The following DAB1 variants were observed in gnomAD, a reference collection of about 807,000 sequenced individuals.
The protein encoded by DAB1 is DAB adaptor protein 1, also known as disabled homolog 1.
DAB1 carries 15 observed loss-of-function variants against 64.6 expected under a neutral mutation model. The ratio of observed to expected loss-of-function variants is 0.23; its 90% CI spans 0.16 to 0.36. The LOEUF is 0.36. Among genes scored for constraint, DAB1 ranks in the 10% least tolerant of loss-of-function variants. The pLI is 1.00. For synonymous variants in DAB1, 235 were observed against 251.9 expected (o/e 0.93, Z 0.64); for missense variants, 596 against 706.7 (o/e 0.84, Z 1.78).
At chr1:58,052,861 A>G (rs1647775928) in intron 5 of DAB1, among the ~76,000 whole-genome samples, 1 of 152,134 alleles carries the variant, frequency 6.6e-6, no homozygotes, top group Non-Finnish European at 1.5e-5. Context: ...AATAGAAGCG[A>G]TTTACTAGGC....
intron 6 of DAB1, among the ~76,000 whole-genome samples, chr1:57,712,903 C>A (rs1316227136): frequency 6.6e-6 from 1 of 152,152 alleles, no homozygotes; most frequent in Middle Eastern, 3.2e-3. Context: ...CATAACATCT[C>A]AATGGAAGAT....
rs377593099 is a variant in DAB1, at chr1:58,502,178, T to C, written n.257+3882A>G. On this transcript the variant is annotated intron_variant and non_coding_transcript_variant, in intron 3 of 20. Transcript: ENST00000485760. ...AGGGATCCAATAAGAAATAAAAATA[T>C]ACAATCTTCAATAAGCTAAAGTTTA... 2.0e-4 allele frequency among the ~76,000 whole-genome samples: 30 copies of C among 152,320 alleles called. No homozygotes were observed. The South Asian group carries it at 6.0e-3, about 30-fold the overall frequency.
intron 5 of DAB1, among the ~76,000 whole-genome samples, chr1:57,962,725 A>C (rs981485974): frequency 6.6e-6 from 1 of 151,674 alleles, no homozygotes; most frequent in Non-Finnish European, 1.5e-5. Flanking sequence ...TTAGCCACAC[A>C]TGGTGGCATG....
intron 2 of DAB1, among the ~76,000 whole-genome samples, chr1:58,511,465 T>C (rs918127789): frequency 6.6e-6 from 1 of 152,160 alleles, no homozygotes; most frequent in South Asian, 2.1e-4. Context: ...CTGGGCAACA[T>C]GGTGAAACCA....
At chr1:57,703,728 A>T (rs549197137) in intron 6 of DAB1, among the ~76,000 whole-genome samples, 2 of 152,294 alleles carry the variant, frequency 1.3e-5, no homozygotes, top group Non-Finnish European at 2.9e-5. Flanking sequence ...ATAAAGACAC[A>T]TGCACATGTA....
At chr1:57,429,512 C>G (rs531705154) in intron 7 of DAB1, among the ~76,000 whole-genome samples, 1 of 152,182 alleles carries the variant, frequency 6.6e-6, no homozygotes, top group Non-Finnish European at 1.5e-5. Flanking sequence ...CACCTGTCTA[C>G]TTTCACTTTT....
At chr1:58,204,132 C>T (rs1658136778) in intron 4 of DAB1, among the ~76,000 whole-genome samples, 1 of 152,130 alleles carries the variant, frequency 6.6e-6, no homozygotes, top group South Asian at 2.1e-4. Context: ...TTTGATCACA[C>T]CTATATGAAC....
intron 1 of DAB1, among the ~76,000 whole-genome samples, chr1:57,861,963 T>A (rs1269415928): frequency 1.3e-5 from 2 of 152,154 alleles, no homozygotes; most frequent in African/African-American, 4.8e-5. Flanking sequence ...ATGCTTTCTC[T>A]GCTTAAATGC....
At chr1:57,565,783 T>G (rs1645112642) in intron 7 of DAB1, among the ~76,000 whole-genome samples, 1 of 152,100 alleles carries the variant, frequency 6.6e-6, no homozygotes, top group South Asian at 2.1e-4. Context: ...AGCAGCTCCT[T>G]AGAGACCTAC....
chr1:58,328,051 G>A (rs1662878731), intron 4 of DAB1, among the ~76,000 whole-genome samples: 1 of 152,148 alleles, frequency 6.6e-6, no homozygotes, highest in Non-Finnish European at 1.5e-5. Flanking sequence ...GCCTAACGCA[G>A]TTCAGCCCTG....
chr1:58,296,205 GAA>G (rs72476365), intron 4 of DAB1, among the ~76,000 whole-genome samples: 2,524 of 117,554 alleles, frequency 0.021, 31 homozygotes, highest in Middle Eastern at 0.051. Context: ...GAGAAAGAAA[GAA>G]AGAAAGAAAG....
intron 5 of DAB1, among the ~76,000 whole-genome samples, chr1:58,122,477 T>G (rs528558958): frequency 6.6e-6 from 1 of 152,178 alleles, no homozygotes; most frequent in Non-Finnish European, 1.5e-5. Context: ...TCAAATGAGA[T>G]GATGTATGTG....
At chr1:58,413,132 AT>A (rs1267241178) in intron 3 of DAB1, among the ~76,000 whole-genome samples, 2 of 152,200 alleles carry the variant, frequency 1.3e-5, no homozygotes, top group African/African-American at 4.8e-5. Context: ...ACAGTCTATG[AT>A]TCTGTGACAA....
At chr1:57,978,300 A>G (rs1645972648) in intron 5 of DAB1, among the ~76,000 whole-genome samples, 1 of 152,210 alleles carries the variant, frequency 6.6e-6, no homozygotes. Context: ...AACCTGAAAC[A>G]AATAAGCAAT....
At chr1:57,530,631 A>C (rs1371202115) in intron 7 of DAB1, among the ~76,000 whole-genome samples, 1 of 152,180 alleles carries the variant, frequency 6.6e-6, no homozygotes, top group East Asian at 1.9e-4. Context: ...TGGGGAACCA[A>C]GCAATTATAT....
chr1:57,095,657 G>A (rs768369531), intron 4 of DAB1, among the ~76,000 whole-genome samples: 1 of 152,190 alleles, frequency 6.6e-6, no homozygotes, highest in Non-Finnish European at 1.5e-5. Context: ...AGGACATTCT[G>A]TGGTGGGTGG....
At chr1:57,952,238 C>T (rs1042824293) in intron 5 of DAB1, among the ~76,000 whole-genome samples, 5 of 152,118 alleles carry the variant, frequency 3.3e-5, no homozygotes, top group African/African-American at 1.2e-4. Context: ...GTGTCTTCTT[C>T]CCCTCTCTTG....
chr1:57,330,768 G>T (rs1193946913), intron 1 of DAB1, among the ~76,000 whole-genome samples: 1 of 151,952 alleles, frequency 6.6e-6, no homozygotes, highest in Non-Finnish European at 1.5e-5. Flanking sequence ...TATTTAGCTG[G>T]TCTGGAGCTC....
intron 4 of DAB1, among the ~76,000 whole-genome samples, chr1:58,300,362 A>G (rs1404805309): frequency 2.0e-5 from 3 of 151,866 alleles, no homozygotes; most frequent in African/African-American, 4.8e-5. Flanking sequence ...CCTGGCCAAC[A>G]TGGTGAAACC....
Sources: allele counts gnomAD v4.1 joint callset (sites outside exome capture counted in the v4.1 genomes callset), GRCh38; gene constraint gnomAD v4.1.1; transcripts MANE v1.5; gene names NCBI Gene and HGNC (gene_info 2026-07-23, HGNC 2026-07-21).